The following CNTN5 variants were observed in gnomAD, a reference collection of about 807,000 sequenced individuals.
CNTN5 encodes contactin 5.
Under a neutral mutation model 129.1 loss-of-function variants are expected in CNTN5, and 77 were observed. The ratio of observed to expected loss-of-function variants is 0.60; its 90% CI spans 0.50 to 0.72. The LOEUF is 0.72. Among genes scored for constraint, CNTN5 ranks in the 30% least tolerant of loss-of-function variants. CNTN5 has a pLI of 0.00. For synonymous variants in CNTN5, 509 were observed against 465.6 expected (o/e 1.09, Z -1.20); for missense variants, 1,478 against 1,328.8 (o/e 1.11, Z -1.75).
intron 1 of CNTN5, among the ~76,000 whole-genome samples, chr11:99,320,202 A>C (rs1420832399): frequency 6.6e-6 from 1 of 152,196 alleles, no homozygotes; most frequent in Non-Finnish European, 1.5e-5. Context: ...AGATTACACC[A>C]CTGCACTCTA....
At chr11:99,744,087 CAT>C (rs1042559743) in intron 3 of CNTN5, among the ~76,000 whole-genome samples, 1 of 151,988 alleles carries the variant, frequency 6.6e-6, no homozygotes, top group Non-Finnish European at 1.5e-5. Flanking sequence ...AGGGGGAAGA[CAT>C]ATACTTCCAA....
chr11:99,117,532 A>G (rs940412031), intron 1 of CNTN5, among the ~76,000 whole-genome samples: 1 of 152,212 alleles, frequency 6.6e-6, no homozygotes, highest in Non-Finnish European at 1.5e-5. Flanking sequence ...TTACATAAAT[A>G]GAATTTGTTC....
chr11:99,601,125 T>C (rs117458071), intron 3 of CNTN5, among the ~76,000 whole-genome samples: 1 of 152,220 alleles, frequency 6.6e-6, no homozygotes, highest in African/African-American at 2.4e-5. Context: ...TAATAAGTAT[T>C]TGTTAAATAA....
At chr11:99,922,330 T>G (rs1359646583) in intron 7 of CNTN5, among the ~76,000 whole-genome samples, 1 of 152,142 alleles carries the variant, frequency 6.6e-6, no homozygotes, top group Non-Finnish European at 1.5e-5. Context: ...ACGTAGGGAT[T>G]ATGAAAGCTA....
intron 13 of CNTN5, among the ~76,000 whole-genome samples, chr11:100,118,772 T>C (rs1329692472): frequency 1.3e-5 from 2 of 151,898 alleles, no homozygotes; most frequent in East Asian, 3.9e-4. Flanking sequence ...TTTTCTCTTT[T>C]CAAGAATACC....
Position 99,916,150 on chromosome 11 carries a change from G to C in CNTN5, c.673+1G>C. 2 of 1,608,940 alleles carry C rather than the reference G, an allele frequency of 1.2e-6. No individual in the cohort carries two copies. Among genetic ancestry groups the C allele is most frequent in the Non-Finnish European group, 1.7e-6 (2 of 1,176,844 alleles). On this transcript the variant is annotated splice_donor_variant, in intron 7 of 24. Coordinates refer to ENST00000524871, the MANE Select transcript of CNTN5 (RefSeq NM_014361.4). LOFTEE classifies it high-confidence loss of function. ...TGCTCTCCTCCGCCACATTCACCAG[G>C]TACAGTAGGATCTCATTCTTTGCTG...
chr11:99,606,679 A>G lies in CNTN5; in HGVS notation c.55+50410A>G, dbSNP rs1451735006. 1.2e-4 allele frequency among the ~76,000 whole-genome samples: 17 copies of G among 136,894 alleles called. 2 individuals are homozygous for G. Among genetic ancestry groups the G allele is most frequent in the Non-Finnish European group, 1.1e-4 (7 of 61,774 alleles). 89.8% of individuals were successfully genotyped at this position (136,894 alleles called of 152,430 possible). On this transcript the variant is annotated intron_variant, in intron 3 of 24. Coordinates refer to ENST00000524871, the MANE Select transcript of CNTN5 (RefSeq NM_014361.4). The stretch of plus-strand genomic sequence containing the variant: ...AAAAGATCAAAGCTGGAGACATCAC[A>G]CTACCTGACTTCAAACTATACTACA...
intron 3 of CNTN5, among the ~76,000 whole-genome samples, chr11:99,807,027 A>C (rs1320711050): frequency 6.6e-6 from 1 of 152,108 alleles, no homozygotes; most frequent in East Asian, 1.9e-4. Context: ...ATCAGAACTC[A>C]ATAGGATAAA....
At chr11:99,035,342 G>A (rs1474336861) in intron 1 of CNTN5, among the ~76,000 whole-genome samples, 11 of 151,966 alleles carry the variant, frequency 7.2e-5, no homozygotes, top group East Asian at 1.9e-4. Flanking sequence ...TTTCTGTCTC[G>A]TTGATCTGTC....
chr11:100,211,339 A>G (rs1252264458), intron 15 of CNTN5, among the ~76,000 whole-genome samples: 2 of 152,160 alleles, frequency 1.3e-5, no homozygotes, highest in Non-Finnish European at 2.9e-5. Context: ...CTTCCCCAAG[A>G]TTAACAACTA....
At chr11:100,227,082 T>C (rs753691746) in intron 16 of CNTN5, among the ~76,000 whole-genome samples, 47 of 152,134 alleles carry the variant, frequency 3.1e-4, no homozygotes, top group Admixed American at 1.3e-4. Flanking sequence ...ATTCATCTTT[T>C]AGTAGAATAC....
chr11:99,129,057 C>T (rs1858799638), intron 1 of CNTN5, among the ~76,000 whole-genome samples: 2 of 152,138 alleles, frequency 1.3e-5, no homozygotes, highest in African/African-American at 4.8e-5. Context: ...CTCTTCTTCT[C>T]CAAACACTTC....
chr11:99,031,846 A>G (rs1220878120), intron 1 of CNTN5, among the ~76,000 whole-genome samples: 3 of 150,938 alleles, frequency 2.0e-5, no homozygotes, highest in Admixed American at 1.3e-4. Flanking sequence ...TACATGTGCC[A>G]TGCTGGTGCG....
At chr11:99,517,288 T>G (rs1174301438) in intron 2 of CNTN5, among the ~76,000 whole-genome samples, 2 of 152,104 alleles carry the variant, frequency 1.3e-5, no homozygotes. Flanking sequence ...TCTTTATTAT[T>G]CCCTTAACCC....
At chr11:99,991,440 C>T (rs7934723) in intron 8 of CNTN5, among the ~76,000 whole-genome samples, 24,375 of 152,068 alleles carry the variant, frequency 0.16, 2,075 homozygotes, top group Non-Finnish European at 0.17. Flanking sequence ...GCACTCCAGC[C>T]TGGGCAACAG....
At chr11:100,134,582 T>G (rs571866138) in intron 13 of CNTN5, among the ~76,000 whole-genome samples, 13 of 152,306 alleles carry the variant, frequency 8.5e-5, no homozygotes, top group African/African-American at 2.9e-4. Flanking sequence ...TACAAATCCC[T>G]GTAAATCAGG....
chr11:99,032,627 T>C (rs1419608545), intron 1 of CNTN5, among the ~76,000 whole-genome samples: 1 of 152,138 alleles, frequency 6.6e-6, no homozygotes, highest in East Asian at 1.9e-4. Context: ...TGTTTTTTTC[T>C]TGTAAATCTG....
At chr11:99,830,376 G>A (rs1359703184) in intron 4 of CNTN5, among the ~76,000 whole-genome samples, 1 of 151,950 alleles carries the variant, frequency 6.6e-6, no homozygotes, top group Non-Finnish European at 1.5e-5. Context: ...CAAATTTGTG[G>A]CCTTATGTCT....
intron 2 of CNTN5, among the ~76,000 whole-genome samples, chr11:99,334,801 G>T (rs546657955): frequency 6.6e-4 from 98 of 149,092 alleles, no homozygotes; most frequent in Admixed American, 4.7e-3. Context: ...GATATATTGG[G>T]TTAACAAAAT....
Sources: allele counts gnomAD v4.1 joint callset (sites outside exome capture counted in the v4.1 genomes callset), GRCh38; gene constraint gnomAD v4.1.1; transcripts MANE v1.5; gene names NCBI Gene and HGNC (gene_info 2026-07-23, HGNC 2026-07-21).